Variants in CATSPER3 observed in about 807,000 individuals in gnomAD.
CATSPER3 encodes cation channel sperm-associated protein 3.
A neutral mutation model predicts 36.6 loss-of-function variants in CATSPER3; 23 were observed. The observed-to-expected ratio is 0.63, with a 90% CI of 0.45 to 0.89. The LOEUF (loss-of-function observed/expected upper bound fraction) is 0.89, where lower values mean the gene tolerates loss of function less well. Among genes scored for constraint, CATSPER3 ranks in the 40% least tolerant of loss-of-function variants. The pLI is 0.00. For synonymous variants in CATSPER3, 172 were observed against 184.1 expected, an observed-to-expected ratio of 0.93 and a Z score of 0.53; for missense variants, 474 against 503.9, an observed-to-expected ratio of 0.94 and a Z score of 0.57.
intron 7 of CATSPER3, among the ~76,000 whole-genome samples, chr5:135,011,090 C>T (rs749685384): frequency 5.3e-5 from 8 of 152,132 alleles, no homozygotes; most frequent in Non-Finnish European, 7.4e-5. Context: ...TCAGGAGCTA[C>T]GGTGGGCTGT....
chr5:134,990,575 A>G (rs1485154470), intron 2 of CATSPER3, among the ~76,000 whole-genome samples: 1 of 152,222 alleles, frequency 6.6e-6, no homozygotes, highest in Non-Finnish European at 1.5e-5. Context: ...AGTAACATCA[A>G]AGATCACTGA....
chr5:134,970,190 C>A, intron 2 of CATSPER3, 98 bp downstream of exon 2: 1 of 1,207,990 alleles, frequency 8.3e-7, no homozygotes, highest in Non-Finnish European at 1.2e-6. Context: ...GACAGAATCT[C>A]ACTCTGTCAG....
chr5:134,975,268 AC>A (rs1392878080), intron 2 of CATSPER3: 2 of 151,934 alleles, frequency 1.3e-5, no homozygotes, highest in Non-Finnish European at 2.9e-5. Flanking sequence ...CTGATCTCTC[AC>A]CTCTGGCTAA....
At chr5:134,997,966 A>G (rs1048830592) in intron 3 of CATSPER3, among the ~76,000 whole-genome samples, 10 of 152,164 alleles carry the variant, frequency 6.6e-5, no homozygotes, top group Non-Finnish European at 1.0e-4. Flanking sequence ...GTACACGTGC[A>G]CAACGTGCAG....
At chr5:135,007,353 A>T (rs1752101374) in intron 3 of CATSPER3, among the ~76,000 whole-genome samples, 1 of 152,240 alleles carries the variant, frequency 6.6e-6, no homozygotes, top group Non-Finnish European at 1.5e-5. Context: ...ACTCCAGAGC[A>T]GGAAGAATGA....
At chr5:134,972,134 C>G (rs1313221874) in intron 2 of CATSPER3, among the ~76,000 whole-genome samples, 1 of 152,170 alleles carries the variant, frequency 6.6e-6, no homozygotes, top group Non-Finnish European at 1.5e-5. Context: ...AATCTGGAAC[C>G]TGGAATGCTC....
rs556688858 is a variant in CATSPER3 at position 134,972,004 on chromosome 5, A to G, written c.252+1912A>G. 5.4e-4 allele frequency among the ~76,000 whole-genome samples: 82 copies of G among 152,316 alleles called. 1 individual carries two copies. The highest frequency in any genetic ancestry group is 1.9e-3 in the African/African-American group (78 of 41,572). On this transcript the variant is annotated intron_variant, in intron 2 of 7. Coordinates refer to ENST00000282611, the MANE Select transcript of CATSPER3 (RefSeq NM_178019.3). ...ACAATAGAAAAAGATTGATGCTGCT[A>G]TAGTTGTGTTTTTAGAAAAAAAAGG...
intron 2 of CATSPER3, among the ~76,000 whole-genome samples, chr5:134,991,312 T>C (rs1751875577): frequency 1.3e-5 from 2 of 152,198 alleles, no homozygotes; most frequent in Admixed American, 1.3e-4. Flanking sequence ...CATATGGATA[T>C]GTAAAAGGCC....
At chr5:134,976,227 C>T (rs549614610) in intron 2 of CATSPER3, among the ~76,000 whole-genome samples, 2 of 152,262 alleles carry the variant, frequency 1.3e-5, no homozygotes, top group African/African-American at 4.8e-5. Flanking sequence ...GTGATGCTGG[C>T]ACCAGATGCT....
chr5:135,007,976 G>A lies in CATSPER3; in HGVS notation c.512G>A (p.Gly171Glu). 6.2e-7 allele frequency: 1 copy of A among 1,614,028 alleles called. No homozygotes were observed. Among genetic ancestry groups the A allele is most frequent in the Non-Finnish European group, 8.5e-7 (1 of 1,180,008 alleles). ...QGIRTLITAVGQTVYTVASVL... is the reference protein window; with the variant it reads ...QGIRTLITAVEQTVYTVASVL... ...TTGCAGACGCTGATCACCGCCGTGG[G>A]GCAGACAGTCTACACCGTGGCCTCT... Residue 171 changes from glycine (G) to glutamate (E), a missense_variant, in exon 4 of 8, where the codon GGG (glycine) becomes GAG (glutamate). By Grantham distance (98) the Gly-to-Glu change is moderately conservative (BLOSUM62 -2). Transcript: ENST00000282611.
intron 2 of CATSPER3, among the ~76,000 whole-genome samples, chr5:134,971,247 C>A (rs1190550692): frequency 6.6e-6 from 1 of 152,130 alleles, no homozygotes; most frequent in East Asian, 1.9e-4. Flanking sequence ...CTGTGCCCGG[C>A]CCCTCCCATC....
intron 2 of CATSPER3, among the ~76,000 whole-genome samples, chr5:134,993,496 A>G (rs1751907408): frequency 6.6e-6 from 1 of 152,228 alleles, no homozygotes; most frequent in Admixed American, 6.5e-5. Context: ...AATAAAGTCA[A>G]AGTTAGATCA....
At position 135,009,393 on chromosome 5, in the gene CATSPER3, G is replaced by A. The variant is rs562430942; in HGVS notation, c.839G>A (p.Arg280Gln). Residue 280 changes from arginine (R) to glutamine (Q), a missense_variant, in exon 6 of 8, where the codon CGA (arginine) becomes CAA (glutamine). By Grantham distance (43) the Arg-to-Gln change is conservative. Transcript: ENST00000282611. ...HTEDSIRKFE[R>Q]ELMLEQQEML... ...TAGGACTCCATCAGAAAGTTTGAGCGAGAGCTGATGTTGGAGCAGCAGGAG... is the reference window on the plus strand; with the variant it reads ...TAGGACTCCATCAGAAAGTTTGAGCAAGAGCTGATGTTGGAGCAGCAGGAG... 7.4e-6 allele frequency: 12 copies of A among 1,613,392 alleles called. No homozygotes were observed. Among genetic ancestry groups the A allele is most frequent in the South Asian group, 4.4e-5 (4 of 91,072 alleles).
At chr5:134,970,222 C>T (rs943877923) in intron 2 of CATSPER3, 130 bp downstream of exon 2, 2 of 840,856 alleles carry the variant, frequency 2.4e-6, no homozygotes, top group African/African-American at 3.4e-5. Context: ...GTGGCGTGAT[C>T]TCAGCTCACT....
At position 134,968,736 on chromosome 5, in the gene CATSPER3, A is replaced by AT. The variant is rs1411011914; in HGVS notation, c.98+654dup. 5 of 152,094 alleles carry AT rather than the reference A, an allele frequency of 3.3e-5. No individual in the cohort carries two copies. In the South Asian group the frequency reaches 8.3e-4, roughly 25 times the overall value. The allele number at this position is 152,094 out of a possible 1,614,324, so 9.4% of individuals were successfully genotyped here. A position where few individuals can be genotyped will look rare whatever the true frequency, so the allele number is the denominator to read the frequency against. On this transcript the variant is annotated intron_variant, in intron 1 of 7. Transcript: ENST00000282611. ...GGAAAAAGAAAAATATATATTCTAT[A>AT]TTTTTTTAACTTATGAGAATGTGTT...
In CATSPER3 at chr5:135,008,824, C is replaced by T. The variant is rs776247578; in HGVS notation, c.676-17C>T. On this transcript the variant is annotated splice_polypyrimidine_tract_variant and intron_variant, in intron 4 of 7. Coordinates refer to ENST00000282611, the MANE Select transcript of CATSPER3 (RefSeq NM_178019.3). ...ACTGGGTCTGGGCCCTCAGCATACT[C>T]TTCCCTGCCTGAGCAGGTTGATGGC... The T allele has an allele frequency of 6.2e-7, 1 of 1,613,710 alleles. No individual in the cohort carries two copies. Among genetic ancestry groups the T allele is most frequent in the South Asian group, 1.1e-5 (1 of 91,060 alleles).
At chr5:134,978,483 TAA>T (rs531732658) in intron 2 of CATSPER3, among the ~76,000 whole-genome samples, 20 of 152,006 alleles carry the variant, frequency 1.3e-4, no homozygotes, top group Non-Finnish European at 2.6e-4. Context: ...ACACAATCTA[TAA>T]AAAAACTGAT....
At chr5:134,981,481 G>A (rs1751750155) in intron 2 of CATSPER3, among the ~76,000 whole-genome samples, 1 of 152,064 alleles carries the variant, frequency 6.6e-6, no homozygotes, top group African/African-American at 2.4e-5. Context: ...GTGAGACTCT[G>A]TCTCAAAAAA....
At chr5:134,987,485 A>ACCAGCACAAAACATCATTAAGTTTT in intron 2 of CATSPER3, among the ~76,000 whole-genome samples, 1 of 152,340 alleles carries the variant, frequency 6.6e-6, no homozygotes, top group East Asian at 1.9e-4. Context: ...CATCCATGAG[A>ACCAGCACAAAACATCATTAAGTTTT]CCAGCACAAA....
Sources: allele counts gnomAD v4.1 joint callset (sites outside exome capture counted in the v4.1 genomes callset), GRCh38; gene constraint gnomAD v4.1.1; transcripts MANE v1.5; gene names NCBI Gene and HGNC (gene_info 2026-07-23, HGNC 2026-07-21).